TTLL6: variants seen among roughly 807,000 people sequenced by gnomAD.
TTLL6 encodes tubulin polyglutamylase TTLL6.
TTLL6 carries 75 observed loss-of-function variants against 96.4 expected under a neutral mutation model. That is an observed-to-expected ratio of 0.78 (90% CI 0.65 to 0.94). The LOEUF (loss-of-function observed/expected upper bound fraction) is 0.94. TTLL6 is among the 40% of genes least tolerant of loss of function. TTLL6 has a pLI of 0.00. For missense variants in TTLL6, 1,030 were observed against 1,093.0 expected (o/e 0.94, Z 0.81); for synonymous variants, 411 against 419.4 (o/e 0.98, Z 0.24).
At chr17:48,778,929 C>CAA (rs71144525) in intron 13 of TTLL6, among the ~76,000 whole-genome samples, 2 of 112,470 alleles carry the variant, frequency 1.8e-5, no homozygotes, top group Middle Eastern at 5.2e-3. Context: ...GACTCCATCT[C>CAA]AAAAAAAAAA....
rs1359319418 is a variant in TTLL6 at position 48,762,858 on chromosome 17, G to A, written c.*116C>T. 4 of 451,340 alleles carry A rather than the reference G, an allele frequency of 8.9e-6. No homozygotes were observed. The highest frequency in any genetic ancestry group is 1.8e-5 in the Non-Finnish European group (4 of 225,602). 28.0% of individuals were successfully genotyped at this position (451,340 alleles called of 1,614,324 possible). A position where few individuals can be genotyped will look rare whatever the true frequency, so the allele number is the denominator to read the frequency against. On this transcript the variant is annotated 3_prime_UTR_variant, in exon 16 of 16. Coordinates refer to ENST00000393382, the MANE Select transcript of TTLL6 (RefSeq NM_001130918.3). Reference sequence around the variant, plus strand: ...TAATGGAAGACCAGTATATCTAGATGAGCAAACAAAACTTCAGTTGATTCT... The same window carrying A: ...TAATGGAAGACCAGTATATCTAGATAAGCAAACAAAACTTCAGTTGATTCT...
chr17:48,788,054 GA>G, intron 10 of TTLL6, 55 bp from the exon 11 acceptor site: 1 of 1,563,304 alleles, frequency 6.4e-7, no homozygotes, highest in Non-Finnish European at 8.7e-7. Flanking sequence ...ACAAAGCCTG[GA>G]AGGGATATGT....
chr17:48,774,190 G>T (rs1210380044), intron 13 of TTLL6, among the ~76,000 whole-genome samples: 1 of 135,340 alleles, frequency 7.4e-6, no homozygotes. Context: ...ATCAAAAATA[G>T]AAAAATAGAC....
chr17:48,767,597 G>A (rs1177626065), intron 15 of TTLL6, among the ~76,000 whole-genome samples: 1 of 152,156 alleles, frequency 6.6e-6, no homozygotes, highest in African/African-American at 2.4e-5. Context: ...CAGAGTATCT[G>A]CTCACAGTAA....
intron 10 of TTLL6, among the ~76,000 whole-genome samples, chr17:48,789,433 C>T (rs2039173405): frequency 6.6e-6 from 1 of 152,174 alleles, no homozygotes; most frequent in African/African-American, 2.4e-5. Flanking sequence ...ATTTCATTCG[C>T]CCAACAACCT....
rs557093046 is a variant in TTLL6 at position 48,796,172 on chromosome 17, G to T, written c.913-26C>A. 99 of 1,538,454 alleles carry T rather than the reference G, an allele frequency of 6.4e-5. No individual in the cohort carries two copies. The South Asian group carries it at 1.1e-3, about 17-fold the overall frequency. ...CTGGGGAAAAAGACACACATCTGTC[G>T]GGTCAGCTCGGAAGGGCAGGCCCCC... On this transcript the variant is annotated intron_variant, in intron 7 of 15. Coordinates refer to ENST00000393382, the MANE Select transcript of TTLL6 (RefSeq NM_001130918.3).
rs1245569778 is a variant in TTLL6, at chr17:48,814,639, T to G, written c.103+2331A>C. Among the ~76,000 whole-genome samples the G allele has an allele frequency of 2.0e-5, 3 of 152,172 alleles. No homozygotes were observed. In the East Asian group the frequency reaches 5.8e-4, roughly 29 times the overall value. On this transcript the variant is annotated intron_variant, in intron 1 of 15. Coordinates refer to ENST00000393382, the MANE Select transcript of TTLL6 (RefSeq NM_001130918.3). Reference sequence around the variant, plus strand: ...GGAATGAGCACTGGGACGGGTCCACTGGGACGGGTCCATTGCGGGTTATTT... The same window carrying G: ...GGAATGAGCACTGGGACGGGTCCACGGGGACGGGTCCATTGCGGGTTATTT...
At chr17:48,803,185 T>C (rs929510927) in intron 3 of TTLL6, among the ~76,000 whole-genome samples, 2 of 151,386 alleles carry the variant, frequency 1.3e-5, no homozygotes, top group Admixed American at 1.3e-4. Context: ...ATAAAATAAA[T>C]AAATGCAATA....
intron 3 of TTLL6, 41 bp from the exon 4 acceptor site, chr17:48,801,684 G>C: frequency 6.7e-7 from 1 of 1,495,428 alleles, no homozygotes; most frequent in Non-Finnish European, 9.1e-7. Context: ...GGAAGTGGGG[G>C]AGGAGTATGG....
At chr17:48,765,482 C>T (rs2038583059) in intron 15 of TTLL6, 1 of 152,200 alleles carries the variant, frequency 6.6e-6, no homozygotes, top group Non-Finnish European at 1.5e-5. Context: ...TAGAAGAGTG[C>T]TGGCGCCTTT....
intron 15 of TTLL6, among the ~76,000 whole-genome samples, chr17:48,764,060 TG>T (rs1009869451): frequency 1.3e-5 from 2 of 151,986 alleles, no homozygotes; most frequent in African/African-American, 4.8e-5. Context: ...CTCCTGAGCC[TG>T]GGAAGTTGAG....
chr17:48,810,187 T>C (rs1021417475), intron 1 of TTLL6, among the ~76,000 whole-genome samples: 1 of 151,154 alleles, frequency 6.6e-6, no homozygotes, highest in Non-Finnish European at 1.5e-5. Flanking sequence ...AAGGTCAAAT[T>C]ATGTTTGCTC....
intron 2 of TTLL6, chr17:48,804,386 T>C (rs489005): frequency 0.93 from 450,052 of 484,988 alleles, 209,635 homozygotes; most frequent in Non-Finnish European, 0.96. Context: ...AAACAAGAAC[T>C]GGAATGCACA....
intron 13 of TTLL6, among the ~76,000 whole-genome samples, chr17:48,771,997 C>T (rs938039023): frequency 4.6e-5 from 7 of 152,112 alleles, no homozygotes; most frequent in Non-Finnish European, 5.9e-5. Flanking sequence ...ATCACTTGAA[C>T]TCGGGTGGCA....
rs2038678808 is a variant in TTLL6 at position 48,769,137 on chromosome 17, C to T, written c.2528G>A (p.Arg843Lys). ...QSPQSYNVTLRDLLVIATPAQ... is the reference protein window; with the variant it reads ...QSPQSYNVTLKDLLVIATPAQ... ...TGGAGTGGCAATCACCAGCAGGTCC[C>T]TCAGAGTAACATTATAGCTCTGAGG... Residue 843 changes from arginine to lysine, a missense_variant, in exon 15 of 16, where the codon AGG becomes AAG. By Grantham distance (26) the Arg-to-Lys change is conservative. Transcript: ENST00000393382. 1 of 1,614,196 alleles carries T rather than the reference C, an allele frequency of 6.2e-7. No individual in the cohort carries two copies. Among genetic ancestry groups the T allele is most frequent in the Non-Finnish European group, 8.5e-7 (1 of 1,180,028 alleles).
intron 15 of TTLL6, 133 bp downstream of exon 15, chr17:48,768,856 A>C: frequency 9.8e-7 from 1 of 1,018,570 alleles, no homozygotes; most frequent in South Asian, 1.6e-5. Flanking sequence ...TCACATTTTT[A>C]CTAAGTCTTC....
rs2039309735 is a variant in TTLL6, at chr17:48,795,988, G to A, written c.998+73C>T. Reference sequence around the variant, plus strand: ...GGAAACACTGATGGGGACTAACAGGGTTTGGGTAGAATCCCAGAAAGCAGT... The same window carrying A: ...GGAAACACTGATGGGGACTAACAGGATTTGGGTAGAATCCCAGAAAGCAGT... On this transcript the variant is annotated intron_variant, in intron 8 of 15. Coordinates refer to ENST00000393382, the MANE Select transcript of TTLL6 (RefSeq NM_001130918.3). 2.4e-6 allele frequency: 3 copies of A among 1,273,876 alleles called. No individual in the cohort carries two copies. The South Asian group carries it at 3.9e-5, about 17-fold the overall frequency. 78.9% of individuals were successfully genotyped at this position (1,273,876 alleles called of 1,614,324 possible). A position where few individuals can be genotyped will look rare whatever the true frequency, so the allele number is the denominator to read the frequency against.
At chr17:48,789,331 T>G (rs1200848218) in intron 10 of TTLL6, among the ~76,000 whole-genome samples, 1 of 152,252 alleles carries the variant, frequency 6.6e-6, no homozygotes, top group African/African-American at 2.4e-5. Flanking sequence ...TTTGTTAAAA[T>G]GACCCCCTCC....
intron 6 of TTLL6, 88 bp downstream of exon 6, chr17:48,799,516 T>C: frequency 1.5e-6 from 2 of 1,368,262 alleles, no homozygotes; most frequent in Non-Finnish European, 2.0e-6. Context: ...ACCTTCACCC[T>C]CCATCCCCTC....
Sources: gnomAD v4.1 joint callset for allele counts (sites outside exome capture counted in the v4.1 genomes callset) on GRCh38, gnomAD v4.1.1 for gene constraint, MANE v1.5 for transcripts, NCBI Gene and HGNC (gene_info 2026-07-23, HGNC 2026-07-21) for gene names.